Variants in IQGAP2 observed in about 807,000 individuals in gnomAD.
The protein encoded by IQGAP2 is ras GTPase-activating-like protein IQGAP2.
Under a neutral mutation model 201.3 loss-of-function variants are expected in IQGAP2, and 173 were observed. The observed-to-expected ratio is 0.86, with a 90% CI of 0.76 to 0.98. The LOEUF is 0.98. Among genes scored for constraint, IQGAP2 ranks in the 50% least tolerant of loss-of-function variants. The pLI is 0.00. For missense variants in IQGAP2, 1,687 were observed against 1,864.8 expected (o/e 0.90, Z 1.76); for synonymous variants, 675 against 673.9 (o/e 1.00, Z -0.03).
chr5:76,699,969 A>C lies in IQGAP2; in HGVS notation c.4368-1107A>C, dbSNP rs201677842. Reference sequence around the variant, plus strand: ...ACTCTCGTGCTCTCTCTCTCTATATATATATATATACAAAAATACACTAAA... The same window carrying C: ...ACTCTCGTGCTCTCTCTCTCTATATCTATATATATACAAAAATACACTAAA... On this transcript the variant is annotated intron_variant, in intron 33 of 35. Transcript: ENST00000274364. 1.2e-3 allele frequency among the ~76,000 whole-genome samples: 178 copies of C among 147,096 alleles called. 14 individuals carry two copies. The highest frequency in any genetic ancestry group is 9.1e-3 in the East Asian group (41 of 4,502).
chr5:76,489,484 T>C (rs1175191107), intron 2 of IQGAP2, among the ~76,000 whole-genome samples: 1 of 152,278 alleles, frequency 6.6e-6, no homozygotes, highest in Non-Finnish European at 1.5e-5. Flanking sequence ...GTTTTTTAGA[T>C]GGAGTCTCGC....
At chr5:76,684,023 T>C in intron 30 of IQGAP2, 106 bp downstream of exon 30, 1 of 985,700 alleles carries the variant, frequency 1.0e-6, no homozygotes, top group Non-Finnish European at 1.4e-6. Flanking sequence ...TATGTGAACA[T>C]TGAAATCTAT....
chr5:76,681,073 G>A (rs553091730), intron 28 of IQGAP2, among the ~76,000 whole-genome samples: 71 of 109,340 alleles, frequency 6.5e-4, no homozygotes, highest in African/African-American at 2.5e-3. Context: ...CTGGGCAGCA[G>A]AGCGAGACTT....
chr5:76,611,975 C>T (rs1198472555), intron 13 of IQGAP2, among the ~76,000 whole-genome samples: 1 of 152,162 alleles, frequency 6.6e-6, no homozygotes, highest in East Asian at 1.9e-4. Context: ...GTCTTTAGAA[C>T]CTAGGAACTG....
rs573498574 is a variant in IQGAP2 at position 76,629,427 on chromosome 5, A to G, written c.1612+1927A>G. Among the ~76,000 whole-genome samples the G allele has an allele frequency of 1.8e-4, 28 of 152,328 alleles. No individual in the cohort carries two copies. In the South Asian group the frequency reaches 5.8e-3, roughly 32 times the overall value. Reference sequence around the variant, plus strand: ...TACCACCAGCAAAATTTAAAAGGGCAGAGTAACTCAAGTCCCTTTCATTTT... The same window carrying G: ...TACCACCAGCAAAATTTAAAAGGGCGGAGTAACTCAAGTCCCTTTCATTTT... On this transcript the variant is annotated intron_variant, in intron 14 of 35. Transcript: ENST00000274364.
chr5:76,560,658 G>A (rs1203911691), intron 2 of IQGAP2, among the ~76,000 whole-genome samples: 1 of 152,106 alleles, frequency 6.6e-6, no homozygotes, highest in Non-Finnish European at 1.5e-5. Flanking sequence ...AACTTTTTCT[G>A]ATTATATCCT....
intron 1 of IQGAP2, among the ~76,000 whole-genome samples, chr5:76,430,268 C>T (rs1752291637): frequency 6.6e-6 from 1 of 152,108 alleles, no homozygotes; most frequent in Admixed American, 6.5e-5. Flanking sequence ...TGTCTCTGCT[C>T]CATTTACTGG....
At chr5:76,593,621 A>G (rs1746814932) in intron 9 of IQGAP2, among the ~76,000 whole-genome samples, 1 of 152,202 alleles carries the variant, frequency 6.6e-6, no homozygotes, top group Admixed American at 6.5e-5. Flanking sequence ...TTTTTACTTG[A>G]GCATCAGAAG....
Position 76,600,672 on chromosome 5 carries a change from G to C in IQGAP2, c.1072-140G>C, listed in dbSNP as rs1401459286. ...CTGTTCTTAAAGCCAGTGGAAAGCA[G>C]GTGGCCACGACTCCTCTTTCTGCTG... On this transcript the variant is annotated intron_variant, in intron 10 of 35. Coordinates refer to ENST00000274364, the MANE Select transcript of IQGAP2 (RefSeq NM_006633.5). The C allele has an allele frequency of 1.0e-5, 9 of 876,606 alleles. No homozygotes were observed. In the East Asian group the frequency reaches 2.3e-4, roughly 22 times the overall value. 54.3% of individuals were successfully genotyped at this position (876,606 alleles called of 1,614,324 possible).
rs6895013 is a variant in IQGAP2, at chr5:76,643,334, G to A, written c.2094+2231G>A. ...TTAGACACTGAACATAATTGGAGCA[G>A]ACACAAAAAACTTCAGAAAAATCCA... is the stretch of plus-strand genomic sequence containing the variant. On this transcript the variant is annotated intron_variant, in intron 17 of 35. Coordinates refer to ENST00000274364, the MANE Select transcript of IQGAP2 (RefSeq NM_006633.5). Among the ~76,000 whole-genome samples, 1,152 of 152,270 alleles carry A rather than the reference G, an allele frequency of 7.6e-3. 10 individuals carry two copies. Among genetic ancestry groups the A allele is most frequent in the Non-Finnish European group, 0.012 (789 of 68,016 alleles).
Position 76,627,406 on chromosome 5 carries a change from C to G in IQGAP2, c.1522-4C>G. 6.3e-7 allele frequency: 1 copy of G among 1,581,812 alleles called. No individual in the cohort carries two copies. Among genetic ancestry groups the G allele is most frequent in the Non-Finnish European group, 8.7e-7 (1 of 1,150,728 alleles). ...TTCTTTTTATTCTGTGACATTGTCC[C>G]CAGGACTCTGAGAGTGTTTCCAAAG... On this transcript the variant is annotated splice_polypyrimidine_tract_variant and splice_region_variant and intron_variant, in intron 13 of 35. Transcript: ENST00000274364.
intron 21 of IQGAP2, 79 bp downstream of exon 21, chr5:76,658,746 G>C: frequency 1.6e-6 from 2 of 1,217,570 alleles, no homozygotes; most frequent in East Asian, 4.7e-5. Context: ...TTAATGACAG[G>C]GATACATTCT....
At chr5:76,672,142 T>C (rs1012351222) in intron 24 of IQGAP2, among the ~76,000 whole-genome samples, 159 bp downstream of exon 24, 1 of 152,244 alleles carries the variant, frequency 6.6e-6, no homozygotes, top group African/African-American at 2.4e-5. Flanking sequence ...AATTACATCT[T>C]GATACTAAAT....
chr5:76,557,367 A>C (rs1744020402), intron 2 of IQGAP2, among the ~76,000 whole-genome samples: 1 of 152,232 alleles, frequency 6.6e-6, no homozygotes, highest in South Asian at 2.1e-4. Flanking sequence ...TGGGGTCATC[A>C]TGAGAAGATT....
At chr5:76,460,410 A>C (rs1754375976) in intron 1 of IQGAP2, among the ~76,000 whole-genome samples, 1 of 152,090 alleles carries the variant, frequency 6.6e-6, no homozygotes, top group Admixed American at 6.6e-5. Context: ...GGGAGATGCA[A>C]AGTGCTCTAG....
intron 5 of IQGAP2, among the ~76,000 whole-genome samples, chr5:76,576,904 T>G (rs899848877): frequency 5.9e-5 from 9 of 152,202 alleles, no homozygotes; most frequent in African/African-American, 2.2e-4. Context: ...GGCGAGAGTA[T>G]CATTATGCCA....
At chr5:76,493,072 C>T (rs1391059324) in intron 2 of IQGAP2, among the ~76,000 whole-genome samples, 1 of 152,176 alleles carries the variant, frequency 6.6e-6, no homozygotes, top group Non-Finnish European at 1.5e-5. Flanking sequence ...GGACATCTCC[C>T]TGATGCTGTC....
chr5:76,545,003 T>C (rs925746932), intron 2 of IQGAP2, among the ~76,000 whole-genome samples: 6 of 152,102 alleles, frequency 3.9e-5, no homozygotes, highest in African/African-American at 1.4e-4. Flanking sequence ...TATATACATA[T>C]GTAGTTGTAT....
At chr5:76,414,373 C>T (rs1391802113) in intron 1 of IQGAP2, among the ~76,000 whole-genome samples, 2 of 152,184 alleles carry the variant, frequency 1.3e-5, no homozygotes, top group Non-Finnish European at 2.9e-5. Context: ...TCTAGTAAGG[C>T]AGCCCACCAG....
Sources: gnomAD v4.1 joint callset for allele counts (sites outside exome capture counted in the v4.1 genomes callset) on GRCh38, gnomAD v4.1.1 for gene constraint, MANE v1.5 for transcripts, NCBI Gene and HGNC (gene_info 2026-07-23, HGNC 2026-07-21) for gene names.